Variants in NELFA observed in about 807,000 individuals in gnomAD.
NELFA encodes negative elongation factor complex member A.
NELFA carries 35 observed loss-of-function variants against 51.8 expected under a neutral mutation model. That is an observed-to-expected ratio of 0.68 (90% confidence interval 0.52 to 0.90). The LOEUF (loss-of-function observed/expected upper bound fraction) is 0.90. Among genes scored for constraint, NELFA ranks in the 40% least tolerant of loss-of-function variants. The pLI is 0.00. For missense variants in NELFA, 658 were observed against 746.4 expected (o/e 0.88, Z 1.38); for synonymous variants, 417 against 338.4 (o/e 1.23, Z -2.55).
intron 7 of NELFA, among the ~76,000 whole-genome samples, chr4:1,985,317 C>T (rs1220011658): frequency 6.6e-6 from 1 of 152,208 alleles, no homozygotes; most frequent in Non-Finnish European, 1.5e-5. Context: ...CTCCTCCAGG[C>T]CCTGGCCTCA....
At chr4:1,984,175 G>A (rs1229827662) in intron 8 of NELFA, 62 bp from the exon 9 acceptor site, 4 of 1,437,584 alleles carry the variant, frequency 2.8e-6, no homozygotes, top group Non-Finnish European at 3.6e-6. Context: ...AAACCCTAGT[G>A]CTCCTGGAGG....
intron 1 of NELFA, among the ~76,000 whole-genome samples, chr4:2,000,398 T>C (rs942156538): frequency 1.3e-5 from 2 of 151,722 alleles, no homozygotes; most frequent in Non-Finnish European, 2.9e-5. Flanking sequence ...GAATGCTAGC[T>C]AGACTAATAA....
At chr4:1,999,381 G>A (rs751525566) in intron 1 of NELFA, among the ~76,000 whole-genome samples, 2 of 152,000 alleles carry the variant, frequency 1.3e-5, no homozygotes, top group Non-Finnish European at 2.9e-5. Flanking sequence ...ACCCATTGGT[G>A]TGCTGTATGC....
chr4:1,998,696 G>T (rs551299150), intron 1 of NELFA, among the ~76,000 whole-genome samples: 1 of 152,108 alleles, frequency 6.6e-6, no homozygotes, highest in African/African-American at 2.4e-5. Context: ...AGAAGGAGAC[G>T]GGGAGAATGG....
At chr4:1,986,855 C>T (rs1198817564) in intron 4 of NELFA, among the ~76,000 whole-genome samples, 1 of 152,172 alleles carries the variant, frequency 6.6e-6, no homozygotes, top group East Asian at 1.9e-4. Flanking sequence ...GTGCGTGGCT[C>T]TCATGGTGCC....
chr4:1,983,814 T>G (rs767054500), intron 9 of NELFA, 34 bp downstream of exon 9: 2 of 1,571,052 alleles, frequency 1.3e-6, no homozygotes, highest in African/African-American at 2.7e-5. Context: ...ACCACCTACC[T>G]GGTGGCCTGT....
At chr4:2,001,857 C>T (rs1303094056) in intron 1 of NELFA, among the ~76,000 whole-genome samples, 12 of 150,750 alleles carry the variant, frequency 8.0e-5, no homozygotes, top group Middle Eastern at 3.5e-3. Context: ...GAGCCGAGAT[C>T]GTGCCACTGC....
chr4:2,005,383 G>GA (rs202047232), intron 1 of NELFA, among the ~76,000 whole-genome samples: 11 of 150,252 alleles, frequency 7.3e-5, no homozygotes, highest in African/African-American at 9.8e-5. Context: ...AGATTCTATA[G>GA]AAAAAAAAAA....
chr4:1,987,708 G>T (rs1728148319), intron 4 of NELFA: 1 of 564,656 alleles, frequency 1.8e-6, no homozygotes, highest in South Asian at 2.3e-5. Flanking sequence ...CGGCCCTCCT[G>T]TCTCCGTGCC....
intron 1 of NELFA, among the ~76,000 whole-genome samples, chr4:2,007,774 G>T (rs1302246574): frequency 6.6e-6 from 1 of 152,080 alleles, no homozygotes; most frequent in East Asian, 1.9e-4. Context: ...TCGTTAAACT[G>T]AACAAAAATG....
chr4:2,002,980 C>G (rs989138706), intron 1 of NELFA, among the ~76,000 whole-genome samples: 1 of 152,128 alleles, frequency 6.6e-6, no homozygotes, highest in Non-Finnish European at 1.5e-5. Flanking sequence ...TTGCAATCTA[C>G]TCATCTGACA....
rs923687731 is a variant in NELFA at position 1,986,002 on chromosome 4, A to G, written c.835+112T>C. On this transcript the variant is annotated intron_variant, in intron 6 of 10. Coordinates refer to ENST00000382882, the MANE Select transcript of NELFA (RefSeq NM_005663.5). ...GAAAAGCAGGCACCCACCCACGGAGAGCAGCCTCACGGGGCACAGCCCTGC... is the reference window on the plus strand; with the variant it reads ...GAAAAGCAGGCACCCACCCACGGAGGGCAGCCTCACGGGGCACAGCCCTGC... The G allele has an allele frequency of 8.7e-6, 12 of 1,376,022 alleles. No homozygotes were observed. The Admixed American group carries it at 1.8e-4, about 21-fold the overall frequency. The allele number at this position is 1,376,022 out of a possible 1,614,324, so 85.2% of individuals were successfully genotyped here.
chr4:1,998,856 A>G (rs1728499270), intron 1 of NELFA, among the ~76,000 whole-genome samples: 5 of 152,180 alleles, frequency 3.3e-5, no homozygotes, highest in Admixed American at 3.3e-4. Context: ...CAAATTCTCC[A>G]AGGTCGAAAT....
intron 7 of NELFA, among the ~76,000 whole-genome samples, chr4:1,985,467 C>T (rs943878406): frequency 5.9e-5 from 9 of 152,068 alleles, no homozygotes; most frequent in East Asian, 3.9e-4. Flanking sequence ...TTCACGGCCA[C>T]GTGCAAGGCT....
rs1727948285 is a variant in NELFA, at chr4:1,983,229, C to CA, written c.*89_*90insT. ...GGCGGCGGCCGGGGGACCTCGGGGGCCAGGTGTCCGCCATCCGGTTACTTT... is the reference window on the plus strand; with the variant it reads ...GGCGGCGGCCGGGGGACCTCGGGGGCACAGGTGTCCGCCATCCGGTTACTTT... On this transcript the variant is annotated 3_prime_UTR_variant, in exon 11 of 11. Transcript: ENST00000382882. 1 of 1,384,784 alleles carries CA rather than the reference C, an allele frequency of 7.2e-7. No homozygotes were observed. 85.8% of individuals were successfully genotyped at this position (1,384,784 alleles called of 1,614,324 possible).
chr4:2,008,622 G>T, intron 1 of NELFA, 128 bp downstream of exon 1: 4 of 1,113,544 alleles, frequency 3.6e-6, no homozygotes, highest in Non-Finnish European at 5.0e-6. Context: ...GCGGGCCGGG[G>T]GGGTTAACAG....
At chr4:2,000,382 T>C (rs1560880869) in intron 1 of NELFA, among the ~76,000 whole-genome samples, 7 of 151,498 alleles carry the variant, frequency 4.6e-5, no homozygotes, top group Non-Finnish European at 1.5e-5. Flanking sequence ...ATTAACAAAA[T>C]AGACAGAATG....
At chr4:1,986,601 G>A (rs1728108101) in intron 4 of NELFA, 199 bp from the exon 5 acceptor site, 2 of 735,264 alleles carry the variant, frequency 2.7e-6, no homozygotes, top group East Asian at 2.9e-5. Flanking sequence ...CTCACACTTT[G>A]CCAAGACACC....
chr4:1,996,578 A>T (rs1327233299), intron 1 of NELFA, among the ~76,000 whole-genome samples: 1 of 152,268 alleles, frequency 6.6e-6, no homozygotes, highest in Non-Finnish European at 1.5e-5. Flanking sequence ...ACATCTGGTG[A>T]GATGGATCAA....
Sources: gnomAD v4.1 joint callset for allele counts (sites outside exome capture counted in the v4.1 genomes callset) on GRCh38, gnomAD v4.1.1 for gene constraint, MANE v1.5 for transcripts, NCBI Gene and HGNC (gene_info 2026-07-23, HGNC 2026-07-21) for gene names.